ADAMTSL1: variants seen among roughly 807,000 people sequenced by gnomAD.
The protein encoded by ADAMTSL1 is ADAMTS-like protein 1.
A neutral mutation model predicts 201.8 loss-of-function variants in ADAMTSL1; 126 were observed. The ratio of observed to expected loss-of-function variants is 0.62; its 90% CI spans 0.54 to 0.72. ADAMTSL1 has a LOEUF of 0.72. Among genes scored for constraint, ADAMTSL1 ranks in the 30% least tolerant of loss-of-function variants. The pLI is 0.00. For missense variants in ADAMTSL1, 2,679 were observed against 2,277.8 expected, an observed-to-expected ratio of 1.18 and a Z score of -3.59; for synonymous variants, 1,121 against 903.4, an observed-to-expected ratio of 1.24 and a Z score of -4.32.
chr9:18,847,455 C>T (rs1015374468), intron 23 of ADAMTSL1, among the ~76,000 whole-genome samples: 3 of 152,130 alleles, frequency 2.0e-5, no homozygotes, highest in East Asian at 1.9e-4. Context: ...AGAAAATAAA[C>T]GTATACAGAA....
chr9:18,620,068 A>ATTAG (rs1212626528), intron 4 of ADAMTSL1, among the ~76,000 whole-genome samples: 1 of 135,106 alleles, frequency 7.4e-6, no homozygotes, highest in Non-Finnish European at 1.5e-5. Context: ...TTCCTCTCCA[A>ATTAG]TTAGTTAGTA....
chr9:18,504,531 TCAATG>T (rs918983921), intron 1 of ADAMTSL1, among the ~76,000 whole-genome samples: 2 of 152,190 alleles, frequency 1.3e-5, no homozygotes, highest in African/African-American at 4.8e-5. Flanking sequence ...AATTGTGACT[TCAATG>T]CAATTGATTG....
intron 15 of ADAMTSL1, among the ~76,000 whole-genome samples, chr9:18,736,535 T>C (rs948849238): frequency 6.6e-6 from 1 of 152,158 alleles, no homozygotes; most frequent in Non-Finnish European, 1.5e-5. Context: ...GACCCTCCCT[T>C]GATCTAGAAA....
intron 1 of ADAMTSL1, among the ~76,000 whole-genome samples, chr9:18,132,235 T>C (rs761673571): frequency 6.6e-6 from 1 of 152,178 alleles, no homozygotes; most frequent in Non-Finnish European, 1.5e-5. Flanking sequence ...GATCAGTTCT[T>C]TTCCTTCATC....
intron 2 of ADAMTSL1, among the ~76,000 whole-genome samples, chr9:18,261,112 C>A (rs531325743): frequency 6.8e-6 from 1 of 148,092 alleles, no homozygotes; most frequent in East Asian, 2.0e-4. Context: ...GAGAGACCTG[C>A]TGTTTGACTA....
chr9:18,760,033 T>G (rs4246839), intron 16 of ADAMTSL1, among the ~76,000 whole-genome samples: 139,356 of 152,148 alleles, frequency 0.92, 63,865 homozygotes, highest in Admixed American at 0.94. Context: ...CTCACATGTT[T>G]CTAAGTTACC....
At chr9:18,317,700 G>C (rs748098002) in intron 2 of ADAMTSL1, among the ~76,000 whole-genome samples, 2 of 152,156 alleles carry the variant, frequency 1.3e-5, no homozygotes, top group Non-Finnish European at 2.9e-5. Flanking sequence ...TGCTCACCCC[G>C]AGGTCTTCCC....
intron 15 of ADAMTSL1, among the ~76,000 whole-genome samples, chr9:18,739,332 T>G (rs543132292): frequency 7.2e-4 from 110 of 152,340 alleles, no homozygotes; most frequent in African/African-American, 2.6e-3. Context: ...GTCTGGTTCT[T>G]GACATTATGC....
At chr9:18,252,837 C>G (rs1441394833) in intron 2 of ADAMTSL1, among the ~76,000 whole-genome samples, 4 of 152,046 alleles carry the variant, frequency 2.6e-5, no homozygotes, top group Admixed American at 2.6e-4. Flanking sequence ...CTTGCTGTAT[C>G]TAATAAAATT....
At chr9:18,734,669 T>G (rs1818405506) in intron 15 of ADAMTSL1, among the ~76,000 whole-genome samples, 2 of 152,298 alleles carry the variant, frequency 1.3e-5, no homozygotes, top group African/African-American at 2.4e-5. Flanking sequence ...AGATGATGGA[T>G]TCACCTAATC....
intron 2 of ADAMTSL1, among the ~76,000 whole-genome samples, chr9:18,326,268 C>G (rs972251524): frequency 6.6e-6 from 1 of 152,114 alleles, no homozygotes; most frequent in African/African-American, 2.4e-5. Context: ...CGGTGATTAC[C>G]TCTAAGGAGG....
chr9:18,891,304 C>T (rs1563893793), intron 25 of ADAMTSL1, among the ~76,000 whole-genome samples: 1 of 152,228 alleles, frequency 6.6e-6, no homozygotes, highest in Admixed American at 6.5e-5. Flanking sequence ...AACTGGGTAA[C>T]CCCGCTGTGA....
intron 3 of ADAMTSL1, among the ~76,000 whole-genome samples, chr9:18,557,220 G>C (rs560209477): frequency 6.6e-6 from 1 of 152,084 alleles, no homozygotes; most frequent in South Asian, 2.1e-4. Flanking sequence ...CTCTTGCCAA[G>C]AAGATTTGCA....
intron 2 of ADAMTSL1, among the ~76,000 whole-genome samples, chr9:18,410,559 TC>T (rs1818394668): frequency 6.6e-6 from 1 of 152,206 alleles, no homozygotes; most frequent in South Asian, 2.1e-4. Context: ...ATGATCTCAT[TC>T]CTTTTTATGG....
At chr9:18,625,218 C>T (rs1022453105) in intron 5 of ADAMTSL1, among the ~76,000 whole-genome samples, 3 of 152,138 alleles carry the variant, frequency 2.0e-5, no homozygotes, top group African/African-American at 7.2e-5. Flanking sequence ...CTTCAAACTT[C>T]TGGCACTCAG....
In ADAMTSL1 at chr9:18,266,853, T is replaced by A. The variant is rs117832047; in HGVS notation, c.207+102872T>A. Among the ~76,000 whole-genome samples the A allele has an allele frequency of 1.1e-3, 174 of 152,258 alleles. 3 individuals carry two copies. The East Asian group carries it at 0.029, about 26-fold the overall frequency. On this transcript the variant is annotated intron_variant, in intron 2 of 29. Coordinates refer to the ADAMTSL1 transcript ENST00000680146. ...ACAGATGAAAAAAGAGTTGATTAGG[T>A]TTCAGCTTGCCAAATTACAATCATA...
At chr9:17,912,518 C>G (rs1825926400) in intron 1 of ADAMTSL1, among the ~76,000 whole-genome samples, 1 of 62,302 alleles carries the variant, frequency 1.6e-5, no homozygotes, top group African/African-American at 3.2e-5. Flanking sequence ...CCTTCGCCCA[C>G]TTTTTGATGG....
chr9:18,075,267 A>C (rs1586990453), intron 1 of ADAMTSL1, among the ~76,000 whole-genome samples: 1 of 152,216 alleles, frequency 6.6e-6, no homozygotes, highest in Non-Finnish European at 1.5e-5. Flanking sequence ...TAAATTTATT[A>C]AAACTTCTAT....
intron 23 of ADAMTSL1, among the ~76,000 whole-genome samples, chr9:18,874,057 G>A (rs1450171304): frequency 6.6e-6 from 1 of 151,966 alleles, no homozygotes; most frequent in Non-Finnish European, 1.5e-5. Context: ...TGCAACTATT[G>A]TGAAAGGAGT....
Sources: allele counts gnomAD v4.1 joint callset (sites outside exome capture counted in the v4.1 genomes callset), GRCh38; gene constraint gnomAD v4.1.1; transcripts MANE v1.5; gene names NCBI Gene and HGNC (gene_info 2026-07-23, HGNC 2026-07-21).